Variants in ADGRL3 observed in about 807,000 individuals in gnomAD.
ADGRL3 encodes the protein adhesion G protein-coupled receptor L3.
Under a neutral mutation model 153.5 loss-of-function variants are expected in ADGRL3, and 62 were observed. The observed-to-expected ratio is 0.40, with a 90% CI of 0.33 to 0.50. The LOEUF (loss-of-function observed/expected upper bound fraction) is 0.50. ADGRL3 is among the 20% of genes least tolerant of loss of function. The probability of loss-of-function intolerance (pLI) is 0.47; values close to 1 mark genes in which losing one functional copy is unlikely to be tolerated. For synonymous variants in ADGRL3, 710 were observed against 672.5 expected (o/e 1.06, Z -0.86); for missense variants, 1,641 against 1,859.4 (o/e 0.88, Z 2.16).
In ADGRL3 at chr4:61,282,846, A is replaced by G. The variant is rs188384739; in HGVS notation, c.-240+81081A>G. Among the ~76,000 whole-genome samples, 196 of 152,208 alleles carry G rather than the reference A, an allele frequency of 1.3e-3. 2 individuals are homozygous for G. The highest frequency in any genetic ancestry group is 4.5e-3 in the African/African-American group (189 of 41,564). ...TAGATTCACAATGGAAATTAAATAAATTTCAGTTAAACAGTTTAAACCTAT... is the reference window on the plus strand; with the variant it reads ...TAGATTCACAATGGAAATTAAATAAGTTTCAGTTAAACAGTTTAAACCTAT... On this transcript the variant is annotated intron_variant, in intron 1 of 26. Transcript: ENST00000683033.
intron 13 of ADGRL3, among the ~76,000 whole-genome samples, chr4:61,921,857 C>T (rs1427596200): frequency 6.6e-6 from 1 of 151,982 alleles, no homozygotes; most frequent in African/African-American, 2.4e-5. Flanking sequence ...TGTGGCCGAC[C>T]CACACAATAG....
At chr4:61,291,699 G>A (rs1451457504) in intron 1 of ADGRL3, among the ~76,000 whole-genome samples, 2 of 149,450 alleles carry the variant, frequency 1.3e-5, no homozygotes, top group Non-Finnish European at 3.0e-5. Context: ...GTTTAATACA[G>A]AAGCTGAACA....
intron 4 of ADGRL3, among the ~76,000 whole-genome samples, chr4:61,561,809 A>ATTG (rs1188268097): frequency 6.6e-5 from 10 of 151,930 alleles, no homozygotes; most frequent in African/African-American, 2.4e-4. Flanking sequence ...TATTATTATT[A>ATTG]TTATTATTTT....
At chr4:61,344,348 C>T (rs1341616306) in intron 1 of ADGRL3, among the ~76,000 whole-genome samples, 1 of 152,004 alleles carries the variant, frequency 6.6e-6, no homozygotes, top group Non-Finnish European at 1.5e-5. Flanking sequence ...GAGTAAAGTA[C>T]AAGTTAAACA....
intron 1 of ADGRL3, among the ~76,000 whole-genome samples, chr4:61,372,734 C>G (rs537253196): frequency 2.0e-5 from 3 of 152,254 alleles, no homozygotes; most frequent in Admixed American, 1.3e-4. Flanking sequence ...AGGCAGGCCT[C>G]CTTGAGCTGT....
At chr4:61,326,548 AT>A (rs569422048) in intron 1 of ADGRL3, among the ~76,000 whole-genome samples, 139 of 137,694 alleles carry the variant, frequency 1.0e-3, no homozygotes, top group African/African-American at 2.4e-3. Flanking sequence ...TAATATTGTG[AT>A]TTTTTTTTTG....
intron 6 of ADGRL3, among the ~76,000 whole-genome samples, chr4:61,709,714 A>G (rs2095930297): frequency 6.6e-6 from 1 of 152,182 alleles, no homozygotes; most frequent in African/African-American, 2.4e-5. Context: ...CTGAGAAAAA[A>G]CATCCAATAC....
intron 2 of ADGRL3, among the ~76,000 whole-genome samples, chr4:61,486,957 A>T (rs2098201577): frequency 6.6e-6 from 1 of 152,196 alleles, no homozygotes; most frequent in East Asian, 1.9e-4. Context: ...AATGCCAGAT[A>T]AAAATTATTC....
intron 9 of ADGRL3, among the ~76,000 whole-genome samples, chr4:61,838,046 CA>C (rs1329518397): frequency 6.7e-6 from 1 of 150,078 alleles, no homozygotes; most frequent in Non-Finnish European, 1.5e-5. Context: ...GGGGAGGGAG[CA>C]AAAAAAAGAA....
chr4:61,332,659 G>A (rs2095597079), intron 1 of ADGRL3, among the ~76,000 whole-genome samples: 1 of 152,114 alleles, frequency 6.6e-6, no homozygotes, highest in South Asian at 2.1e-4. Flanking sequence ...GTTAGTTGAT[G>A]TTTTGTTGAT....
intron 25 of ADGRL3, among the ~76,000 whole-genome samples, chr4:62,055,651 T>C (rs2151807256): frequency 6.6e-6 from 1 of 151,920 alleles, no homozygotes; most frequent in South Asian, 2.1e-4. Flanking sequence ...TTGAAAGGTG[T>C]CATGTAGATT....
chr4:61,984,494 G>A (rs1391927801), intron 19 of ADGRL3, among the ~76,000 whole-genome samples: 1 of 152,092 alleles, frequency 6.6e-6, no homozygotes, highest in Non-Finnish European at 1.5e-5. Flanking sequence ...CCTGAGCCCA[G>A]CCTTTGAGAT....
At chr4:61,828,064 G>A (rs1333090575) in intron 9 of ADGRL3, among the ~76,000 whole-genome samples, 1 of 152,128 alleles carries the variant, frequency 6.6e-6, no homozygotes, top group Admixed American at 6.6e-5. Flanking sequence ...ATCTTTCCTG[G>A]AAGTTGAAAA....
rs576711074 is a variant in ADGRL3 at position 61,454,198 on chromosome 4, G to A, written c.-173-42923G>A. ...AGTTTTCCTGCAACACTAACATAAG[G>A]TTTTAATTAAACAACTCCTGTGACT... On this transcript the variant is annotated intron_variant, in intron 2 of 26. Coordinates refer to ENST00000683033, the MANE Select transcript of ADGRL3 (RefSeq NM_001387552.1). Among the ~76,000 whole-genome samples the A allele has an allele frequency of 5.3e-5, 8 of 151,936 alleles. No individual in the cohort carries two copies. The South Asian group carries it at 1.5e-3, about 28-fold the overall frequency.
intron 1 of ADGRL3, among the ~76,000 whole-genome samples, chr4:61,280,354 A>T (rs374971728): frequency 6.6e-6 from 1 of 151,100 alleles, no homozygotes; most frequent in East Asian, 2.0e-4. Context: ...TGATCCACCC[A>T]CCTTGGCCTC....
At chr4:62,008,937 T>C (rs13148569) in intron 21 of ADGRL3, among the ~76,000 whole-genome samples, 22,914 of 152,084 alleles carry the variant, frequency 0.15, 2,217 homozygotes, top group Non-Finnish European at 0.22. Flanking sequence ...TACAAATACT[T>C]TTGTGTTACA....
chr4:61,632,719 T>G (rs1216865036), intron 5 of ADGRL3, among the ~76,000 whole-genome samples: 1 of 152,210 alleles, frequency 6.6e-6, no homozygotes, highest in Non-Finnish European at 1.5e-5. Context: ...CAATAATTCT[T>G]ATTGTTTCCT....
At position 61,909,556 on chromosome 4, in the gene ADGRL3, A is replaced by G. The variant is rs2098712300; in HGVS notation, c.1888-4A>G. 13 of 1,605,694 alleles carry G rather than the reference A, an allele frequency of 8.1e-6. No homozygotes were observed. Among genetic ancestry groups the G allele is most frequent in the Non-Finnish European group, 1.1e-5 (13 of 1,175,610 alleles). ...TTCCTTTGTATTCCATTTAAAAATT[A>G]TAGTTGAAATCTGGTGAAACAGCTG... On this transcript the variant is annotated splice_polypyrimidine_tract_variant and splice_region_variant and intron_variant, in intron 11 of 26. Transcript: ENST00000683033.
At chr4:61,735,922 T>C (rs1002414633) in intron 8 of ADGRL3, among the ~76,000 whole-genome samples, 2 of 152,116 alleles carry the variant, frequency 1.3e-5, no homozygotes, top group African/African-American at 4.8e-5. Context: ...TTAAGTTGTC[T>C]TTAACGAATA....
Sources: allele counts gnomAD v4.1 joint callset (sites outside exome capture counted in the v4.1 genomes callset), GRCh38; gene constraint gnomAD v4.1.1; transcripts MANE v1.5; gene names NCBI Gene and HGNC (gene_info 2026-07-23, HGNC 2026-07-21).